Variants in IL12RB2 observed in about 807,000 individuals in gnomAD.
The protein encoded by IL12RB2 is interleukin-12 receptor subunit beta-2.
In IL12RB2, 82 loss-of-function variants were observed where a neutral mutation model predicts 89.4. That is an observed-to-expected ratio of 0.92 (90% confidence interval 0.77 to 1.10). The LOEUF (loss-of-function observed/expected upper bound fraction) is 1.10, where lower values mean the gene tolerates loss of function less well. IL12RB2 is among the 50% of genes least tolerant of loss of function. The pLI is 0.00. For synonymous variants in IL12RB2, 368 were observed against 370.1 expected, an observed-to-expected ratio of 0.99 and a Z score of 0.07; for missense variants, 963 against 1,031.9, an observed-to-expected ratio of 0.93 and a Z score of 0.92.
In IL12RB2 at chr1:67,326,762, C is replaced by A. The variant is rs977598396; in HGVS notation, c.392C>A (p.Ser131Tyr). Residue 131 changes from serine to tyrosine, a missense_variant, in exon 5 of 17, where the codon TCC becomes TAC. Transcript: ENST00000674203. ...GCTCCAGAACAGCCTCAAAATTTAT[C>A]CTGCATACAGAAGGGAGAACAGGGG... ...GVAPEQPQNL[S>Y]CIQKGEQGTV... 1 of 1,613,510 alleles carries A rather than the reference C, an allele frequency of 6.2e-7. No homozygotes were observed. The highest frequency in any genetic ancestry group is 8.5e-7 in the Non-Finnish European group (1 of 1,179,708).
chr1:67,359,258 C>G (rs2100908597), intron 10 of IL12RB2, among the ~76,000 whole-genome samples: 1 of 152,308 alleles, frequency 6.6e-6, no homozygotes, highest in East Asian at 1.9e-4. Context: ...GTTCAAGTTG[C>G]TATGGAAAAT....
At chr1:67,362,278 A>G (rs1369327840) in intron 10 of IL12RB2, among the ~76,000 whole-genome samples, 2 of 147,784 alleles carry the variant, frequency 1.4e-5, no homozygotes, top group African/African-American at 5.0e-5. Flanking sequence ...CTCAAAAAAG[A>G]AAAAGAGGCC....
At chr1:67,384,509 T>C (rs1410109346) in intron 14 of IL12RB2, among the ~76,000 whole-genome samples, 1 of 152,234 alleles carries the variant, frequency 6.6e-6, no homozygotes. Flanking sequence ...GTTCCTAACA[T>C]GCTCAGGAGA....
intron 16 of IL12RB2, among the ~76,000 whole-genome samples, chr1:67,390,854 C>T (rs1665735274): frequency 6.6e-6 from 1 of 152,108 alleles, no homozygotes; most frequent in South Asian, 2.1e-4. Flanking sequence ...CCTCCCATCA[C>T]CTGGGGCTTT....
At chr1:67,365,356 C>A (rs1421310153) in intron 10 of IL12RB2, among the ~76,000 whole-genome samples, 7 of 151,792 alleles carry the variant, frequency 4.6e-5, no homozygotes, top group African/African-American at 1.7e-4. Flanking sequence ...AAAGCTGATT[C>A]TTTAAAAAGA....
At position 67,379,977 on chromosome 1, in the gene IL12RB2, T is replaced by G. The variant is rs754297871; in HGVS notation, c.1718-9T>G. 1.2e-6 allele frequency: 2 copies of G among 1,601,050 alleles called. No homozygotes were observed. The highest frequency in any genetic ancestry group is 2.2e-5 in the South Asian group (2 of 90,768). On this transcript the variant is annotated splice_polypyrimidine_tract_variant and intron_variant, in intron 13 of 16. Coordinates refer to ENST00000674203, the MANE Select transcript of IL12RB2 (RefSeq NM_001374259.2). ...AATACATGCCTTTCTTCCTTTATCT[T>G]CCTTTCAGAAATTCCCTACAGAGTC...
chr1:67,323,544 C>T (rs1317715624), intron 4 of IL12RB2, among the ~76,000 whole-genome samples: 1 of 152,172 alleles, frequency 6.6e-6, no homozygotes, highest in East Asian at 1.9e-4. Context: ...CAGGTGACGG[C>T]TTTAGGCTTC....
intron 16 of IL12RB2, among the ~76,000 whole-genome samples, chr1:67,394,739 G>T (rs1383481872): frequency 6.6e-6 from 1 of 152,138 alleles, no homozygotes; most frequent in Non-Finnish European, 1.5e-5. Flanking sequence ...CCAGTCATAA[G>T]AAATAACTAG....
chr1:67,350,789 A>G (rs1448642400), intron 9 of IL12RB2, 81 bp from the exon 10 acceptor site: 2 of 1,580,724 alleles, frequency 1.3e-6, no homozygotes, highest in South Asian at 1.2e-5. Context: ...TGCCTAGTAC[A>G]TCTGTACCCA....
At chr1:67,328,525 T>C (rs1657635084) in intron 6 of IL12RB2, 141 bp downstream of exon 6, 1 of 1,455,930 alleles carries the variant, frequency 6.9e-7, no homozygotes, top group Admixed American at 2.1e-5. Context: ...GAAGTTACTT[T>C]GATGCAAGTA....
chr1:67,374,814 A>G (rs11209058), intron 13 of IL12RB2, among the ~76,000 whole-genome samples: 60,794 of 125,764 alleles, frequency 0.48, 16,187 homozygotes, highest in Non-Finnish European at 0.59. Context: ...TTTAACAGTA[A>G]GCCATCTACT....
intron 9 of IL12RB2, among the ~76,000 whole-genome samples, chr1:67,344,983 G>T (rs527816435): frequency 3.6e-4 from 54 of 152,058 alleles, no homozygotes; most frequent in Admixed American, 1.5e-3. Context: ...AGGAGTTCAA[G>T]AGCAGCCAAA....
At chr1:67,348,363 C>A (rs1055552986) in intron 9 of IL12RB2, among the ~76,000 whole-genome samples, 1 of 152,136 alleles carries the variant, frequency 6.6e-6, no homozygotes, top group African/African-American at 2.4e-5. Flanking sequence ...AGTTCATTGT[C>A]TCAGGCTTGT....
Position 67,397,992 on chromosome 1 carries a change from C to T in IL12RB2, c.*1903C>T, listed in dbSNP as rs2100376317. ...AGAAACTGAGCGATGGACAGTTGCTCTGCTTCTTCAGGTTGGAACTCTTGA... is the reference window on the plus strand; with the variant it reads ...AGAAACTGAGCGATGGACAGTTGCTTTGCTTCTTCAGGTTGGAACTCTTGA... On this transcript the variant is annotated 3_prime_UTR_variant, in exon 17 of 17. Transcript: ENST00000674203. Among the ~76,000 whole-genome samples, 1 of 152,338 alleles carries T rather than the reference C, an allele frequency of 6.6e-6. No homozygotes were observed. The highest frequency in any genetic ancestry group is 1.9e-4 in the East Asian group (1 of 5,186).
At chr1:67,328,819 A>G (rs1046150340) in intron 6 of IL12RB2, among the ~76,000 whole-genome samples, 1 of 152,116 alleles carries the variant, frequency 6.6e-6, no homozygotes, top group African/African-American at 2.4e-5. Context: ...ACAAACTATA[A>G]ATAAAATTTC....
intron 10 of IL12RB2, among the ~76,000 whole-genome samples, chr1:67,352,006 T>C (rs1035256382): frequency 1.3e-5 from 2 of 152,190 alleles, no homozygotes; most frequent in African/African-American, 4.8e-5. Flanking sequence ...TACCAGTGGG[T>C]TTAGCAATCT....
At position 67,310,336 on chromosome 1, in the gene IL12RB2, G is replaced by A. The variant is rs564645926; in HGVS notation, c.-125+2369G>A. ...AATAAGTATTGAACATGTACATTAT[G>A]GTCAGTGCATTTGCTGGACTTAGAC... On this transcript the variant is annotated intron_variant, in intron 1 of 16. Transcript: ENST00000674203. 5.9e-5 allele frequency among the ~76,000 whole-genome samples: 9 copies of A among 152,022 alleles called. No individual in the cohort carries two copies. The South Asian group carries it at 1.7e-3, about 28-fold the overall frequency.
intron 4 of IL12RB2, among the ~76,000 whole-genome samples, chr1:67,324,120 G>A (rs1036118368): frequency 4.6e-5 from 7 of 152,188 alleles, no homozygotes; most frequent in African/African-American, 1.7e-4. Flanking sequence ...GTCACGAGTA[G>A]TGTGTGTATA....
At chr1:67,320,534 G>T (rs1656353020) in intron 3 of IL12RB2, 90 bp downstream of exon 3, 1 of 1,595,936 alleles carries the variant, frequency 6.3e-7, no homozygotes, top group Non-Finnish European at 8.5e-7. Context: ...TAAATGTTCT[G>T]GTAGTTGGTC....
Sources: gnomAD v4.1 joint callset for allele counts (sites outside exome capture counted in the v4.1 genomes callset) on GRCh38, gnomAD v4.1.1 for gene constraint, MANE v1.5 for transcripts, NCBI Gene and HGNC (gene_info 2026-07-23, HGNC 2026-07-21) for gene names.